SLC22A31: variants seen among roughly 807,000 people sequenced by gnomAD.
SLC22A31 encodes the protein solute carrier family 22 member 31.
In SLC22A31, 42 loss-of-function variants were observed where a neutral mutation model predicts 27.4. The ratio of observed to expected loss-of-function variants is 1.53; its 90% confidence interval spans 1.20 to 1.98. The LOEUF (loss-of-function observed/expected upper bound fraction) is 1.98, where lower values mean the gene tolerates loss of function less well. Among genes scored for constraint, SLC22A31 ranks in the 30% most tolerant of loss-of-function variants. The pLI is 0.00. For synonymous variants in SLC22A31, 290 were observed against 230.8 expected (o/e 1.26, Z -2.33); for missense variants, 593 against 479.9 (o/e 1.24, Z -2.20).
upstream of SLC22A31, among the ~76,000 whole-genome samples, chr16:89,200,579 G>A (rs1368702958): frequency 6.6e-6 from 1 of 152,184 alleles, no homozygotes; most frequent in Non-Finnish European, 1.5e-5. Flanking sequence ...AGCCCGGCGG[G>A]TTCCAGGGCC....
rs769666815 is a variant in SLC22A31, at chr16:89,198,435, G to A, written c.707+7C>T. ...TGGTGCAGGACCCCAGCCCTTCCTC[G>A]ACTCACGAGCTGAAGCCCAAGATAA... On this transcript the variant is annotated splice_region_variant and intron_variant, in intron 6 of 8. Coordinates refer to ENST00000682282, the MANE Select transcript of SLC22A31 (RefSeq NM_001384763.1). 1.5e-5 allele frequency: 22 copies of A among 1,517,150 alleles called. No individual in the cohort carries two copies. The African/African-American group carries it at 1.5e-4, about 10-fold the overall frequency. The allele number at this position is 1,517,150 out of a possible 1,614,324, so 94.0% of individuals were successfully genotyped here. A position where few individuals can be genotyped will look rare whatever the true frequency, so the allele number is the denominator to read the frequency against.
rs772997484 is a variant in SLC22A31 at position 89,198,442 on chromosome 16, G to T, written c.707C>A (p.Ser236Ter). The change falls in exon 6 of 9, where the codon TCG (serine) becomes TAG (stop). Residue 236 changes from serine (S) to a stop codon, truncating the protein, a stop_gained and splice_region_variant. Coordinates refer to ENST00000682282, the MANE Select transcript of SLC22A31 (RefSeq NM_001384763.1). LOFTEE classifies it high-confidence loss of function. ...GGACCCCAGCCCTTCCTCGACTCAC[G>T]AGCTGAAGCCCAAGATAAGCCCGTT... ...WRNGLILGFS[S>*]LVGGGIRASF... is the part of the protein sequence containing the mutation. The T allele has an allele frequency of 1.1e-5, 16 of 1,517,092 alleles. No individual in the cohort carries two copies. The highest frequency in any genetic ancestry group is 2.0e-5 in the Admixed American group (1 of 48,998). 94.0% of individuals were successfully genotyped at this position (1,517,092 alleles called of 1,614,324 possible).
rs1389937169 is a variant in SLC22A31, at chr16:89,196,298, C to T, written c.1042G>A (p.Gly348Arg). ...EVFPTVIRGA[G>R]LGLVLGAGFL... ...CCGGCCCCCAGCACCAGGCCCAGCC[C>T]GGCCCCCCTGTGGGACAGAGTGTGT... The change falls in exon 9 of 9, where the codon GGG (glycine) becomes AGG (arginine). Residue 348 changes from glycine to arginine, a missense_variant. Physicochemically the swap from Gly to Arg is moderately radical, Grantham distance 125 (BLOSUM62 -2). Coordinates refer to ENST00000682282, the MANE Select transcript of SLC22A31 (RefSeq NM_001384763.1). The T allele has an allele frequency of 1.3e-6, 2 of 1,503,238 alleles. No individual in the cohort carries two copies. The highest frequency in any genetic ancestry group is 2.5e-5 in the East Asian group (1 of 40,138). 93.1% of individuals were successfully genotyped at this position (1,503,238 alleles called of 1,614,324 possible).
Position 89,198,545 on chromosome 16 carries a change from T to A in SLC22A31, c.604A>T (p.Thr202Ser). 2 of 1,508,038 alleles carry A rather than the reference T, an allele frequency of 1.3e-6. No individual in the cohort carries two copies. The highest frequency in any genetic ancestry group is 2.5e-5 in the East Asian group (1 of 40,482). 93.4% of individuals were successfully genotyped at this position (1,508,038 alleles called of 1,614,324 possible). ...LEENSLATEL[T>S]MLSARSPQPR... is the part of the protein sequence containing the mutation. ...TGGGGGCTCCGTGCAGACAGCATGGTCAGCTCTGTAGCCGCAGAGATGTGA... is the reference window on the plus strand; with the variant it reads ...TGGGGGCTCCGTGCAGACAGCATGGACAGCTCTGTAGCCGCAGAGATGTGA... Residue 202 changes from threonine to serine, a missense_variant, in exon 6 of 9, where the codon ACC becomes TCC. Thr to Ser is a moderately conservative substitution (Grantham distance 58). Transcript: ENST00000682282.
chr16:89,198,647 C>A lies in SLC22A31; in HGVS notation c.598+5G>T. The stretch of plus-strand genomic sequence containing the variant: ...AATCTCCCTCCTCCCTGGTAGGCGC[C>A]TGACCTGTAGCCAGGGAGTTCTCCT... On this transcript the variant is annotated splice_donor_5th_base_variant and intron_variant, in intron 5 of 8. Transcript: ENST00000682282. 6 of 1,535,006 alleles carry A rather than the reference C, an allele frequency of 3.9e-6. No homozygotes were observed. Among genetic ancestry groups the A allele is most frequent in the East Asian group, 2.4e-5 (1 of 40,866 alleles).
chr16:89,196,284 C>A lies in SLC22A31; in HGVS notation c.1056G>T (p.Val352=). The A allele has an allele frequency of 6.6e-7, 1 of 1,525,826 alleles. No individual in the cohort carries two copies. Among genetic ancestry groups the A allele is most frequent in the Non-Finnish European group, 8.8e-7 (1 of 1,142,674 alleles). 94.5% of individuals were successfully genotyped at this position (1,525,826 alleles called of 1,614,324 possible). A position where few individuals can be genotyped will look rare whatever the true frequency, so the allele number is the denominator to read the frequency against. Residue 352 remains valine, a synonymous_variant, in exon 9 of 9, where the codon GTG becomes GTT. Coordinates refer to ENST00000682282, the MANE Select transcript of SLC22A31 (RefSeq NM_001384763.1). ...TVIRGAGLGL[V]LGAGFLGQAA... is the part of the protein sequence containing the mutation. ...CCTGGCCCAGGAACCCGGCCCCCAGCACCAGGCCCAGCCCGGCCCCCCTGT... is the reference window on the plus strand; with the variant it reads ...CCTGGCCCAGGAACCCGGCCCCCAGAACCAGGCCCAGCCCGGCCCCCCTGT...
intron 7 of SLC22A31, 47 bp from the exon 8 acceptor site, chr16:89,197,456 C>T (rs1241146638): frequency 1.5e-6 from 2 of 1,365,122 alleles, no homozygotes; most frequent in South Asian, 2.5e-5. Flanking sequence ...CCAGGCCTTC[C>T]ACCCTGGCCA....
In SLC22A31 at chr16:89,195,995, A is replaced by C. The variant is rs907589786; in HGVS notation, c.*4T>G. ...ATCCTGGCTCCCAGGGCCACCAGGC[A>C]GGACTAGTGCTGCTCGGGGGTGTGG... On this transcript the variant is annotated 3_prime_UTR_variant, in exon 9 of 9. Coordinates refer to ENST00000682282, the MANE Select transcript of SLC22A31 (RefSeq NM_001384763.1). The C allele has an allele frequency of 2.7e-6, 4 of 1,484,254 alleles. No homozygotes were observed. Among genetic ancestry groups the C allele is most frequent in the Non-Finnish European group, 3.6e-6 (4 of 1,120,814 alleles). The allele number at this position is 1,484,254 out of a possible 1,614,324, so 91.9% of individuals were successfully genotyped here. A position where few individuals can be genotyped will look rare whatever the true frequency, so the allele number is the denominator to read the frequency against.
chr16:89,201,398 C>T, upstream of SLC22A31: 1 of 368,718 alleles, frequency 2.7e-6, no homozygotes, highest in Non-Finnish European at 4.8e-6. Context: ...CGGGGTAGCG[C>T]AGGAGCAGGC....
chr16:89,198,328 C>T lies in SLC22A31; in HGVS notation c.716G>A (p.Gly239Asp). 1.3e-6 allele frequency: 2 copies of T among 1,535,904 alleles called. No individual in the cohort carries two copies. Among genetic ancestry groups the T allele is most frequent in the Non-Finnish European group, 1.7e-6 (2 of 1,146,882 alleles). Residue 239 changes from glycine (G) to aspartate (D), a missense_variant, in exon 7 of 9, where the codon GGT (glycine) becomes GAT (aspartate). Gly to Asp is a moderately conservative substitution (Grantham distance 94, BLOSUM62 -1). Coordinates refer to ENST00000682282, the MANE Select transcript of SLC22A31 (RefSeq NM_001384763.1). ...GCGGAAGCTAGCTCTGATGCCTCCACCAACCAGCCTGGGAGAGAGAGCAAA... is the reference window on the plus strand; with the variant it reads ...GCGGAAGCTAGCTCTGATGCCTCCATCAACCAGCCTGGGAGAGAGAGCAAA... Reference protein sequence around the residue: ...GLILGFSSLVGGGIRASFRRS... With the variant: ...GLILGFSSLVDGGIRASFRRS...
At chr16:89,198,026 A>T in intron 7 of SLC22A31, 96 bp downstream of exon 7, 2 of 1,374,832 alleles carry the variant, frequency 1.5e-6, no homozygotes, top group Non-Finnish European at 2.0e-6. Context: ...CTGCCACCCC[A>T]GGCTGCTCCC....
Position 89,196,042 on chromosome 16 carries a change from G to T in SLC22A31, c.1298C>A (p.Pro433His). ...GTGGCCGGCCCAGTAGGAGTTGGAG[G>T]GCGGCAGCAGAGGCAGGTGGTCCTG... The part of the protein sequence containing the change: ...PRQDHLPLLP[P>H]SNSYWAGHTP... Residue 433 changes from proline to histidine, a missense_variant, in exon 9 of 9, where the codon CCC becomes CAC. Pro to His is a moderately conservative substitution (Grantham distance 77, BLOSUM62 -2). Coordinates refer to ENST00000682282, the MANE Select transcript of SLC22A31 (RefSeq NM_001384763.1). 1 of 1,528,892 alleles carries T rather than the reference G, an allele frequency of 6.5e-7. No homozygotes were observed. The highest frequency in any genetic ancestry group is 2.5e-5 in the East Asian group (1 of 40,776). The allele number at this position is 1,528,892 out of a possible 1,614,324, so 94.7% of individuals were successfully genotyped here.
rs929441478 is a variant in SLC22A31 at position 89,198,278 on chromosome 16, T to G, written c.766A>C (p.Thr256Pro). ...TCCAGGAAGTAGGGCAGGTAGAAGG[T>G]CGGCACCTGAGGTGCCAGGCTGCGG... ...FRRSLAPQVP[T>P]FYLPYFLEAG... The change falls in exon 7 of 9, where the codon ACC becomes CCC. Residue 256 changes from threonine to proline, a missense_variant. Physicochemically the swap from Thr to Pro is conservative, Grantham distance 38 (BLOSUM62 -1). Transcript: ENST00000682282. The G allele has an allele frequency of 6.5e-7, 1 of 1,535,798 alleles. No homozygotes were observed. The highest frequency in any genetic ancestry group is 8.7e-7 in the Non-Finnish European group (1 of 1,146,894).
chr16:89,201,237 C>T, upstream of SLC22A31: 1 of 366,422 alleles, frequency 2.7e-6, no homozygotes, highest in Non-Finnish European at 4.9e-6. Context: ...GGGAGGGCTG[C>T]GGGGCAGCAG....
chr16:89,196,860 C>CG (rs1379484516), intron 8 of SLC22A31, among the ~76,000 whole-genome samples: 1 of 151,448 alleles, frequency 6.6e-6, no homozygotes, highest in Non-Finnish European at 1.5e-5. Flanking sequence ...GCAGGAGAAT[C>CG]GCTTGAACCA....
Position 89,199,530 on chromosome 16 carries a change from G to C in SLC22A31, c.166C>G (p.Leu56Val), listed in dbSNP as rs1318165702. 1 of 460,708 alleles carries C rather than the reference G, an allele frequency of 2.2e-6. No individual in the cohort carries two copies. The highest frequency in any genetic ancestry group is 3.9e-6 in the Non-Finnish European group (1 of 258,502). The allele number at this position is 460,708 out of a possible 1,614,324, so 28.5% of individuals were successfully genotyped here. Reference protein sequence around the residue: ...RRAVFVASLVLTTGLGASEAL... With the variant: ...RRAVFVASLVVTTGLGASEAL... ...TCACTGGCCCCCAGGCCTGTGGTCA[G>C]CACCAGGGAGGCCACAAAAACTGCC... is the stretch of plus-strand genomic sequence containing the variant. Residue 56 changes from leucine to valine, a missense_variant, in exon 3 of 9, where the codon CTG (leucine) becomes GTG (valine). Physicochemically the swap from Leu to Val is conservative, Grantham distance 32. Coordinates refer to ENST00000682282, the MANE Select transcript of SLC22A31 (RefSeq NM_001384763.1).
intron 8 of SLC22A31, chr16:89,196,517 G>C: frequency 1.2e-6 from 1 of 835,254 alleles, no homozygotes; most frequent in Non-Finnish European, 1.8e-6. Flanking sequence ...CAGATTGGGG[G>C]ACACACATGT....
chr16:89,197,218 G>A, intron 8 of SLC22A31, 80 bp downstream of exon 8: 2 of 1,122,610 alleles, frequency 1.8e-6, no homozygotes, highest in Non-Finnish European at 2.5e-6. Flanking sequence ...TATGGGGACA[G>A]GGCCTCCTGT....
intron 3 of SLC22A31, 108 bp downstream of exon 3, chr16:89,199,305 T>G: frequency 6.3e-5 from 66 of 1,043,850 alleles, no homozygotes; most frequent in Non-Finnish European, 8.5e-5. Context: ...CCCAAGGGAC[T>G]CACTGCTCAC....
Sources: gnomAD v4.1 joint callset for allele counts (sites outside exome capture counted in the v4.1 genomes callset) on GRCh38, gnomAD v4.1.1 for gene constraint, MANE v1.5 for transcripts, NCBI Gene and HGNC (gene_info 2026-07-23, HGNC 2026-07-21) for gene names.